PIK3C2G: variants seen among roughly 807,000 people sequenced by gnomAD.
PIK3C2G encodes phosphatidylinositol 3-kinase C2 domain-containing subunit gamma.
Under a neutral mutation model 181.1 loss-of-function variants are expected in PIK3C2G, and 168 were observed. The ratio of observed to expected loss-of-function variants is 0.93; its 90% CI spans 0.82 to 1.05. The LOEUF is 1.05. PIK3C2G is among the 50% of genes least tolerant of loss of function. The pLI is 0.00. For missense variants in PIK3C2G, 1,869 were observed against 1,732.8 expected (o/e 1.08, Z -1.40); for synonymous variants, 573 against 592.2 (o/e 0.97, Z 0.47).
the PIK3C2G span, chr12:18,696,310 T>A: frequency 1.9e-6 from 1 of 530,792 alleles, no homozygotes. Flanking sequence ...TTCAAATAAA[T>A]TTAAAAAGCC....
intron 24 of PIK3C2G, among the ~76,000 whole-genome samples, chr12:18,531,782 T>C (rs371641987): frequency 1.2e-4 from 18 of 152,224 alleles, no homozygotes; most frequent in Non-Finnish European, 2.4e-4. Flanking sequence ...CATTCACCCA[T>C]TGAAGGACAT....
intron 18 of PIK3C2G, among the ~76,000 whole-genome samples, chr12:18,452,815 G>A (rs1294651195): frequency 6.6e-6 from 1 of 151,956 alleles, no homozygotes; most frequent in Non-Finnish European, 1.5e-5. Context: ...CTTTAATTTC[G>A]TTATTTACCC....
the PIK3C2G span, among the ~76,000 whole-genome samples, chr12:18,710,117 C>T: frequency 6.7e-6 from 1 of 150,222 alleles, no homozygotes; most frequent in South Asian, 2.1e-4. Flanking sequence ...CATAATGTTG[C>T]TTCTTTTCTT....
chr12:18,386,917 C>T (rs1943207253), intron 14 of PIK3C2G, among the ~76,000 whole-genome samples: 2 of 152,092 alleles, frequency 1.3e-5, no homozygotes, highest in Admixed American at 1.3e-4. Flanking sequence ...GTCTGTATCT[C>T]TAGTTCAGAC....
chr12:18,523,666 GCA>G (rs1943052533), intron 24 of PIK3C2G, among the ~76,000 whole-genome samples: 1 of 152,194 alleles, frequency 6.6e-6, no homozygotes, highest in Non-Finnish European at 1.5e-5. Flanking sequence ...AAGACTTAAT[GCA>G]AGCATTGAAA....
chr12:18,343,484 C>CACAG (rs1939346269), intron 10 of PIK3C2G, 124 bp downstream of exon 10: 2 of 478,244 alleles, frequency 4.2e-6, no homozygotes, highest in Admixed American at 4.2e-5. Flanking sequence ...CACACACACA[C>CACAG]ACACACACGA....
At chr12:18,613,800 A>C (rs1162753153) in intron 31 of PIK3C2G, among the ~76,000 whole-genome samples, 1 of 152,056 alleles carries the variant, frequency 6.6e-6, no homozygotes, top group Admixed American at 6.6e-5. Context: ...CTAGTACCCT[A>C]ATGTCCCAAA....
intron 11 of PIK3C2G, among the ~76,000 whole-genome samples, chr12:18,353,365 T>C (rs1486012912): frequency 6.6e-6 from 1 of 151,910 alleles, no homozygotes; most frequent in East Asian, 1.9e-4. Context: ...GGGTCACACA[T>C]GTGTATTATA....
At chr12:18,686,086 C>A in the PIK3C2G span, among the ~76,000 whole-genome samples, 1 of 151,980 alleles carries the variant, frequency 6.6e-6, no homozygotes, top group Admixed American at 6.6e-5. Context: ...TCTTGTCCAG[C>A]CATCTGGACG....
In PIK3C2G at chr12:18,346,814, A is replaced by C. The variant is rs1253618508; in HGVS notation, c.1603A>C (p.Ile535Leu). ...CTTCACAGTGTATGCAGCACACAACATTCCAGAAACCTGGGTGCACAGGTG... is the reference window on the plus strand; with the variant it reads ...CTTCACAGTGTATGCAGCACACAACCTTCCAGAAACCTGGGTGCACAGGTG... ...LSFTVYAAHN[I>L]PETWVHSYKA... Residue 535 changes from isoleucine (I) to leucine (L), a missense_variant, in exon 11 of 33, where the codon ATT becomes CTT. Ile to Leu is a conservative substitution (Grantham distance 5). Transcript: ENST00000538779. 1 of 1,610,756 alleles carries C rather than the reference A, an allele frequency of 6.2e-7. No individual in the cohort carries two copies. The highest frequency in any genetic ancestry group is 8.5e-7 in the Non-Finnish European group (1 of 1,178,350).
chr12:18,503,144 A>C, intron 22 of PIK3C2G, 137 bp from the exon 23 acceptor site: 1 of 523,096 alleles, frequency 1.9e-6, no homozygotes, highest in Non-Finnish European at 3.3e-6. Flanking sequence ...CATCTAGATA[A>C]GCCTCCTCCA....
intron 18 of PIK3C2G, among the ~76,000 whole-genome samples, chr12:18,469,928 TTC>T (rs1225108644): frequency 2.0e-5 from 3 of 151,776 alleles, no homozygotes; most frequent in Non-Finnish European, 2.9e-5. Context: ...TTTTTTTTTT[TTC>T]ATTTGGGTTT....
At chr12:18,643,556 A>G (rs1333974687) in intron 32 of PIK3C2G, among the ~76,000 whole-genome samples, 1 of 151,874 alleles carries the variant, frequency 6.6e-6, no homozygotes, top group Non-Finnish European at 1.5e-5. Flanking sequence ...AATTTTTTTC[A>G]TTCTATGCCT....
intron 16 of PIK3C2G, among the ~76,000 whole-genome samples, chr12:18,418,196 C>A (rs1260614995): frequency 6.6e-6 from 1 of 152,134 alleles, no homozygotes; most frequent in Admixed American, 6.6e-5. Flanking sequence ...TACACACTGT[C>A]ATATCTTAAG....
rs1189897770 is a variant in PIK3C2G, at chr12:18,325,087, T to C, written c.1261T>C (p.Leu421=). 1.3e-6 allele frequency: 2 copies of C among 1,551,714 alleles called. No individual in the cohort carries two copies. Among genetic ancestry groups the C allele is most frequent in the African/African-American group, 1.4e-5 (1 of 73,634 alleles). Residue 421 remains leucine, a synonymous_variant, in exon 8 of 33, where the codon TTG becomes CTG. Coordinates refer to ENST00000538779, the MANE Select transcript of PIK3C2G (RefSeq NM_001288772.2). ...RKYDFHLKYL[L]KTQENVYNII... is the part of the protein sequence containing the mutation. ...ATATGACTTCCACCTGAAATACCTA[T>C]TGAAAACCCAGGTATTGACTTTTGT...
the PIK3C2G span, among the ~76,000 whole-genome samples, chr12:18,676,459 A>T: frequency 2.9e-3 from 448 of 152,180 alleles, 4 homozygotes; most frequent in African/African-American, 9.9e-3. Flanking sequence ...AAATGCCTGC[A>T]TTTGCCTTGC....
At chr12:18,242,994 C>T (rs1352117805), upstream of PIK3C2G, among the ~76,000 whole-genome samples, 1 of 152,094 alleles carries the variant, frequency 6.6e-6, no homozygotes, top group Non-Finnish European at 1.5e-5. Context: ...TCTGACCTTG[C>T]CCTGTTGGCA....
At chr12:18,659,366 T>C in the PIK3C2G span, among the ~76,000 whole-genome samples, 1 of 152,112 alleles carries the variant, frequency 6.6e-6, no homozygotes, top group African/African-American at 2.4e-5. Context: ...AACTGGAGGA[T>C]AAAGAACTCT....
intron 29 of PIK3C2G, among the ~76,000 whole-genome samples, chr12:18,579,316 CA>C (rs2136413945): frequency 6.6e-6 from 1 of 152,226 alleles, no homozygotes; most frequent in South Asian, 2.1e-4. Flanking sequence ...TGAAATCGTA[CA>C]ACCTTAACTT....
Sources: gnomAD v4.1 joint callset for allele counts (sites outside exome capture counted in the v4.1 genomes callset) on GRCh38, gnomAD v4.1.1 for gene constraint, MANE v1.5 for transcripts, NCBI Gene and HGNC (gene_info 2026-07-23, HGNC 2026-07-21) for gene names.